The following KCNK12 variants were observed in gnomAD, a reference collection of about 807,000 sequenced individuals.
KCNK12 encodes potassium channel subfamily K member 12.
In KCNK12, 6 loss-of-function variants were observed where a neutral mutation model predicts 25.3. The observed-to-expected ratio is 0.24, with a 90% CI of 0.13 to 0.47. KCNK12 has a LOEUF of 0.47. Among genes scored for constraint, KCNK12 ranks in the 20% least tolerant of loss-of-function variants. The pLI is 0.99. For synonymous variants in KCNK12, 331 were observed against 311.1 expected (o/e 1.06, Z -0.67); for missense variants, 444 against 661.7 (o/e 0.67, Z 3.61).
At position 47,512,412 on chromosome 2, in the gene KCNK12, A is replaced by G. The variant is rs2303424; in HGVS notation, c.*8495T>C. ...TGCAGTCGGCCAGAGAGACAGAACCAGGGCAGTGGTGAGCTCTCATGACCT... is the reference window on the plus strand; with the variant it reads ...TGCAGTCGGCCAGAGAGACAGAACCGGGGCAGTGGTGAGCTCTCATGACCT... On this transcript the variant is annotated 3_prime_UTR_variant, in exon 2 of 2. Transcript: ENST00000327876. 638,750 of 1,608,286 alleles carry G rather than the reference A, an allele frequency of 0.4. 131,626 individuals are homozygous for G. Among genetic ancestry groups the G allele is most frequent in the East Asian group, 0.63 (27,959 of 44,730 alleles).
intron 1 of KCNK12, among the ~76,000 whole-genome samples, chr2:47,534,263 G>A (rs917811276): frequency 2.0e-5 from 3 of 152,002 alleles, no homozygotes; most frequent in African/African-American, 7.3e-5. Flanking sequence ...CTGGGATTAA[G>A]GTTTTCTCTC....
At chr2:47,542,715 G>T (rs1339372533) in intron 1 of KCNK12, among the ~76,000 whole-genome samples, 4 of 152,324 alleles carry the variant, frequency 2.6e-5, no homozygotes, top group Non-Finnish European at 5.9e-5. Flanking sequence ...ATGGCGCGAG[G>T]TGAGAGTATC....
intron 1 of KCNK12, chr2:47,527,626 T>G (rs933064319): frequency 1.3e-5 from 2 of 152,350 alleles, no homozygotes; most frequent in Non-Finnish European, 1.5e-5. Context: ...AACTCTTCCA[T>G]GTCTGGACTC....
intron 1 of KCNK12, chr2:47,564,921 A>G (rs1473019777): frequency 6.6e-6 from 1 of 152,102 alleles, no homozygotes; most frequent in East Asian, 1.9e-4. Flanking sequence ...TAATCCCAGC[A>G]CGCTGAAAGG....
At chr2:47,561,689 T>C (rs946331128) in intron 1 of KCNK12, among the ~76,000 whole-genome samples, 9 of 152,186 alleles carry the variant, frequency 5.9e-5, no homozygotes, top group Non-Finnish European at 1.2e-4. Flanking sequence ...GCCTTCAGTC[T>C]TTAAAGTAAC....
chr2:47,565,738 G>A lies in KCNK12; in HGVS notation c.391+4203C>T, dbSNP rs997002927. On this transcript the variant is annotated intron_variant, in intron 1 of 1. Coordinates refer to ENST00000327876, the MANE Select transcript of KCNK12 (RefSeq NM_022055.2). This position sits in a 1 kb window ranked among gnomAD's most constrained non-coding sequence, Gnocchi z 5.0. ...CATCCTTTAGGATGTGAAGTGATGGGTTAATTCTGTTTGGATTGTTTGGAA... is the reference window on the plus strand; with the variant it reads ...CATCCTTTAGGATGTGAAGTGATGGATTAATTCTGTTTGGATTGTTTGGAA... 1.3e-5 allele frequency: 2 copies of A among 152,198 alleles called. No homozygotes were observed. Among genetic ancestry groups the A allele is most frequent in the African/African-American group, 4.8e-5 (2 of 41,442 alleles). 9.4% of individuals were successfully genotyped at this position (152,198 alleles called of 1,614,324 possible). A position where few individuals can be genotyped will look rare whatever the true frequency, so the allele number is the denominator to read the frequency against.
Position 47,540,581 on chromosome 2 carries a change from T to C in KCNK12, c.392-18773A>G, listed in dbSNP as rs1437196356. Among the ~76,000 whole-genome samples the C allele has an allele frequency of 6.6e-6, 1 of 152,236 alleles. No individual in the cohort carries two copies. The highest frequency in any genetic ancestry group is 1.5e-5 in the Non-Finnish European group (1 of 68,048). On this transcript the variant is annotated intron_variant, in intron 1 of 1. Coordinates refer to ENST00000327876, the MANE Select transcript of KCNK12 (RefSeq NM_022055.2). This position sits in a 1 kb window ranked among gnomAD's most constrained non-coding sequence, Gnocchi z 5.4. Reference sequence around the variant, plus strand: ...GAAGCATCCATTTGAAGACTCTTCCTGTGTCTTCTGCAAAACCAAAGAAAA... The same window carrying C: ...GAAGCATCCATTTGAAGACTCTTCCCGTGTCTTCTGCAAAACCAAAGAAAA...
Position 47,533,513 on chromosome 2 carries a change from A to G in KCNK12, c.392-11705T>C, listed in dbSNP as rs1424540953. On this transcript the variant is annotated intron_variant, in intron 1 of 1. Coordinates refer to ENST00000327876, the MANE Select transcript of KCNK12 (RefSeq NM_022055.2). The surrounding 1 kb of genome is among the most constrained non-coding windows in gnomAD (Gnocchi z 4.7). ...GAATGGGCAAATCACGACATGACAT[A>G]TGGATTTCCATGGCAGGGAAATGCC... Among the ~76,000 whole-genome samples, 1 of 152,210 alleles carries G rather than the reference A, an allele frequency of 6.6e-6. No homozygotes were observed. Among genetic ancestry groups the G allele is most frequent in the Non-Finnish European group, 1.5e-5 (1 of 68,032 alleles).
chr2:47,569,377 G>C lies in KCNK12; in HGVS notation c.391+564C>G, dbSNP rs1010959254. Among the ~76,000 whole-genome samples the C allele has an allele frequency of 6.6e-6, 1 of 152,128 alleles. No individual in the cohort carries two copies. The highest frequency in any genetic ancestry group is 2.4e-5 in the African/African-American group (1 of 41,422). ...CTCAGGCTAACGGGCTTTACTTTGG[G>C]GGGCGGTATAGACTGTAGGAGAAGC... On this transcript the variant is annotated intron_variant, in intron 1 of 1. Coordinates refer to ENST00000327876, the MANE Select transcript of KCNK12 (RefSeq NM_022055.2). The surrounding 1 kb of genome is among the most constrained non-coding windows in gnomAD (Gnocchi z 4.1).
chr2:47,542,712 G>T (rs993978252), intron 1 of KCNK12, among the ~76,000 whole-genome samples: 1 of 152,164 alleles, frequency 6.6e-6, no homozygotes, highest in Non-Finnish European at 1.5e-5. Context: ...GGGATGGCGC[G>T]AGGTGAGAGT....
In KCNK12 at chr2:47,518,495, T is replaced by A. The variant is rs1435130431; in HGVS notation, c.*2412A>T. The A allele has an allele frequency of 6.6e-6, 1 of 152,224 alleles. No individual in the cohort carries two copies. The highest frequency in any genetic ancestry group is 2.4e-5 in the African/African-American group (1 of 41,448). 9.4% of individuals were successfully genotyped at this position (152,224 alleles called of 1,614,324 possible). On this transcript the variant is annotated 3_prime_UTR_variant, in exon 2 of 2. Coordinates refer to ENST00000327876, the MANE Select transcript of KCNK12 (RefSeq NM_022055.2). The surrounding 1 kb of genome is among the most constrained non-coding windows in gnomAD (Gnocchi z 4.1). The stretch of plus-strand genomic sequence containing the variant: ...CAGCTGAGGCTGCAGCATAAGCAAC[T>A]TAGGATAGAGTCTAGGAAGCACCGC...
Position 47,518,481 on chromosome 2 carries a change from G to A in KCNK12, c.*2426C>T, listed in dbSNP as rs1668573883. 6.6e-6 allele frequency: 1 copy of A among 152,246 alleles called. No homozygotes were observed. Among genetic ancestry groups the A allele is most frequent in the Admixed American group, 6.5e-5 (1 of 15,286 alleles). 9.4% of individuals were successfully genotyped at this position (152,246 alleles called of 1,614,324 possible). A position where few individuals can be genotyped will look rare whatever the true frequency, so the allele number is the denominator to read the frequency against. On this transcript the variant is annotated 3_prime_UTR_variant, in exon 2 of 2. Transcript: ENST00000327876. The surrounding 1 kb of genome is among the most constrained non-coding windows in gnomAD (Gnocchi z 4.1). The stretch of plus-strand genomic sequence containing the variant: ...AAAACAAGTAAAAACAGCTGAGGCT[G>A]CAGCATAAGCAACTTAGGATAGAGT...
rs1668755713 is a variant in KCNK12, at chr2:47,525,726, G to A, written c.392-3918C>T. Reference sequence around the variant, plus strand: ...AGGAAGAAGAGGCTGAGGGGCAGAGGGCTGGGGACAGCATGAGAGGGAGTC... The same window carrying A: ...AGGAAGAAGAGGCTGAGGGGCAGAGAGCTGGGGACAGCATGAGAGGGAGTC... On this transcript the variant is annotated intron_variant, in intron 1 of 1. Coordinates refer to ENST00000327876, the MANE Select transcript of KCNK12 (RefSeq NM_022055.2). The surrounding 1 kb of genome is among the most constrained non-coding windows in gnomAD (Gnocchi z 4.1). 6.6e-6 allele frequency among the ~76,000 whole-genome samples: 1 copy of A among 152,188 alleles called. No individual in the cohort carries two copies. The highest frequency in any genetic ancestry group is 1.5e-5 in the Non-Finnish European group (1 of 68,018).
intron 1 of KCNK12, among the ~76,000 whole-genome samples, chr2:47,535,441 C>A (rs1016674864): frequency 6.6e-6 from 1 of 152,096 alleles, no homozygotes; most frequent in African/African-American, 2.4e-5. Flanking sequence ...GTAAGGTGCA[C>A]CCCTCCTCTA....
chr2:47,544,264 C>T (rs979850177), intron 1 of KCNK12, among the ~76,000 whole-genome samples: 4 of 152,254 alleles, frequency 2.6e-5, no homozygotes, highest in Non-Finnish European at 5.9e-5. Flanking sequence ...CCCTCCCATA[C>T]AGGCTTGGTA....
rs1480832704 is a variant in KCNK12, at chr2:47,520,325, A to C, written c.*582T>G. On this transcript the variant is annotated 3_prime_UTR_variant, in exon 2 of 2. Transcript: ENST00000327876. This position sits in a 1 kb window ranked among gnomAD's most constrained non-coding sequence, Gnocchi z 5.0. ...ATCTGGGGGAAATGCCACAGTCCGCAAGTTGGTGCTATGTTTCATCTCATT... is the reference window on the plus strand; with the variant it reads ...ATCTGGGGGAAATGCCACAGTCCGCCAGTTGGTGCTATGTTTCATCTCATT... The C allele has an allele frequency of 6.6e-6, 1 of 152,292 alleles. No homozygotes were observed. 9.4% of individuals were successfully genotyped at this position (152,292 alleles called of 1,614,324 possible). A position where few individuals can be genotyped will look rare whatever the true frequency, so the allele number is the denominator to read the frequency against.
At position 47,556,337 on chromosome 2, in the gene KCNK12, T is replaced by G. The variant is rs757378057; in HGVS notation, c.391+13604A>C. 1.3e-5 allele frequency among the ~76,000 whole-genome samples: 2 copies of G among 151,946 alleles called. No individual in the cohort carries two copies. Among genetic ancestry groups the G allele is most frequent in the Non-Finnish European group, 2.9e-5 (2 of 67,990 alleles). ...CAGGAGAGAAAGCAGCTCCACATGG[T>G]GGGTGGATTTAGGGGTGTGAAGATT... On this transcript the variant is annotated intron_variant, in intron 1 of 1. Transcript: ENST00000327876. This position sits in a 1 kb window ranked among gnomAD's most constrained non-coding sequence, Gnocchi z 4.8.
Position 47,525,826 on chromosome 2 carries a change from A to G in KCNK12, c.392-4018T>C, listed in dbSNP as rs2104744230. On this transcript the variant is annotated intron_variant, in intron 1 of 1. Coordinates refer to ENST00000327876, the MANE Select transcript of KCNK12 (RefSeq NM_022055.2). This position sits in a 1 kb window ranked among gnomAD's most constrained non-coding sequence, Gnocchi z 4.1. ...GAGTGGTCCCTGTGCAGGGCTCCCA[A>G]GGACCCATAAATAGATGCCGTGAAA... Among the ~76,000 whole-genome samples the G allele has an allele frequency of 6.6e-6, 1 of 152,238 alleles. No homozygotes were observed.
intron 1 of KCNK12, among the ~76,000 whole-genome samples, chr2:47,559,004 G>A (rs1453435335): frequency 6.6e-6 from 1 of 152,264 alleles, no homozygotes. Flanking sequence ...ATGGCTAAGA[G>A]ATGTGGCCAA....
Sources: gnomAD v4.1 joint callset for allele counts (sites outside exome capture counted in the v4.1 genomes callset) on GRCh38, gnomAD v4.1.1 for gene constraint, Gnocchi (gnomAD v3.1) non-coding constraint, MANE v1.5 for transcripts, NCBI Gene and HGNC (gene_info 2026-07-23, HGNC 2026-07-21) for gene names.